The following RERG variants were observed in gnomAD, a reference collection of about 807,000 sequenced individuals.
RERG encodes the protein RAS like estrogen regulated growth inhibitor.
In RERG, 25 loss-of-function variants were observed where a neutral mutation model predicts 23.2. The ratio of observed to expected loss-of-function variants is 1.08; its 90% CI spans 0.79 to 1.50. The LOEUF is 1.50. Among genes scored for constraint, RERG ranks in the 40% most tolerant of loss-of-function variants. The pLI is 0.00. For synonymous variants in RERG, 81 were observed against 89.1 expected (o/e 0.91, Z 0.51); for missense variants, 253 against 250.1 (o/e 1.01, Z -0.08).
At chr12:15,217,388 C>CA in intron 2 of RERG, 41 bp downstream of exon 2, 2 of 1,339,544 alleles carry the variant, frequency 1.5e-6, no homozygotes, top group Non-Finnish European at 2.2e-6. Flanking sequence ...AACACACTCA[C>CA]CCACACACAC....
chr12:15,209,509 G>GT lies in RERG; in HGVS notation c.61+7919dup, dbSNP rs368106684. Among the ~76,000 whole-genome samples, 938 of 147,086 alleles carry GT rather than the reference G, an allele frequency of 6.4e-3. 10 individuals carry two copies. The highest frequency in any genetic ancestry group is 0.019 in the African/African-American group (779 of 40,570). On this transcript the variant is annotated intron_variant, in intron 2 of 4. Transcript: ENST00000256953. The stretch of plus-strand genomic sequence containing the variant: ...TTCTTTAGCAAAAGATGATTCATCA[G>GT]TTTTTTTTTTTAACACTTGATCCGA...
chr12:15,132,874 C>A (rs983308003), intron 2 of RERG, among the ~76,000 whole-genome samples: 5 of 151,588 alleles, frequency 3.3e-5, no homozygotes, highest in African/African-American at 1.2e-4. Context: ...AGATCTTTGG[C>A]CCATATTTTA....
At chr12:15,154,135 T>C (rs528836177) in intron 2 of RERG, 1 of 152,372 alleles carries the variant, frequency 6.6e-6, no homozygotes, top group Admixed American at 6.5e-5. Context: ...AGGCAGTAAA[T>C]TTCTGTTGTT....
intron 2 of RERG, among the ~76,000 whole-genome samples, chr12:15,198,462 T>C (rs966215421): frequency 6.6e-6 from 1 of 152,166 alleles, no homozygotes; most frequent in African/African-American, 2.4e-5. Context: ...TATGTGTGCA[T>C]AGGCTCAGAA....
At chr12:15,161,354 T>C (rs965928877) in intron 2 of RERG, among the ~76,000 whole-genome samples, 16 of 152,148 alleles carry the variant, frequency 1.1e-4, no homozygotes, top group African/African-American at 3.9e-4. Context: ...AACAAGTGTA[T>C]TCTTTGGAGA....
intron 2 of RERG, among the ~76,000 whole-genome samples, chr12:15,188,802 T>A (rs1865028741): frequency 6.6e-6 from 1 of 152,194 alleles, no homozygotes; most frequent in African/African-American, 2.4e-5. Context: ...GTAAATATGC[T>A]ACTTGGAGAA....
intron 2 of RERG, among the ~76,000 whole-genome samples, chr12:15,174,475 AGTGTGTGT>A (rs35380924): frequency 1.4e-5 from 2 of 147,898 alleles, no homozygotes; most frequent in African/African-American, 2.5e-5. Flanking sequence ...GAGTTTGTTG[AGTGTGTGT>A]GTGTGTGTGT....
intron 4 of RERG, 41 bp downstream of exon 4, chr12:15,111,303 A>G (rs752630722): frequency 2.5e-5 from 38 of 1,498,700 alleles, no homozygotes; most frequent in Non-Finnish European, 3.4e-5. Flanking sequence ...TCTCAGTTTT[A>G]TTTGATCCAG....
At chr12:15,134,244 G>A (rs1864104932) in intron 2 of RERG, among the ~76,000 whole-genome samples, 1 of 152,056 alleles carries the variant, frequency 6.6e-6, no homozygotes, top group Admixed American at 6.5e-5. Flanking sequence ...ATGTAGTTCT[G>A]TGTCTCATTT....
chr12:15,213,809 C>T (rs1865401510), intron 2 of RERG, among the ~76,000 whole-genome samples: 1 of 152,114 alleles, frequency 6.6e-6, no homozygotes, highest in Non-Finnish European at 1.5e-5. Flanking sequence ...GCTTAGGAAG[C>T]CATCTGCCAC....
intron 2 of RERG, among the ~76,000 whole-genome samples, chr12:15,157,939 A>T (rs1182054764): frequency 6.6e-6 from 1 of 152,100 alleles, no homozygotes; most frequent in Non-Finnish European, 1.5e-5. Flanking sequence ...ATAAATATTT[A>T]TGTATAAATA....
intron 2 of RERG, among the ~76,000 whole-genome samples, chr12:15,167,451 G>T (rs11056383): frequency 1.3e-5 from 2 of 152,042 alleles, no homozygotes; most frequent in Non-Finnish European, 2.9e-5. Flanking sequence ...CCCCGGCCCC[G>T]GGGTTTCTGA....
intron 1 of RERG, among the ~76,000 whole-genome samples, chr12:15,220,729 G>C (rs994719611): frequency 6.6e-6 from 1 of 152,088 alleles, no homozygotes; most frequent in Non-Finnish European, 1.5e-5. Flanking sequence ...CCTAGTCTAG[G>C]CCTGGAAATG....
At chr12:15,164,210 A>G (rs1864654425) in intron 2 of RERG, among the ~76,000 whole-genome samples, 1 of 152,200 alleles carries the variant, frequency 6.6e-6, no homozygotes, top group South Asian at 2.1e-4. Context: ...GGGCTCCATT[A>G]CCATTTGTGG....
chr12:15,193,070 A>T (rs567562821), intron 2 of RERG, among the ~76,000 whole-genome samples: 175 of 152,210 alleles, frequency 1.1e-3, no homozygotes, highest in African/African-American at 4.1e-3. Context: ...GGATTATGCA[A>T]ATATCCTGTT....
intron 2 of RERG, among the ~76,000 whole-genome samples, chr12:15,191,047 T>C (rs1591664358): frequency 6.6e-6 from 1 of 152,160 alleles, no homozygotes; most frequent in Admixed American, 6.5e-5. Flanking sequence ...CTTTTAATTA[T>C]GTAAGTGGCA....
chr12:15,123,653 T>C (rs1299331677), intron 2 of RERG, among the ~76,000 whole-genome samples: 2 of 150,164 alleles, frequency 1.3e-5, no homozygotes, highest in Non-Finnish European at 3.0e-5. Flanking sequence ...TTAAGTTTAT[T>C]ACATTATTAA....
intron 2 of RERG, among the ~76,000 whole-genome samples, chr12:15,151,203 A>G (rs1864436321): frequency 6.6e-6 from 1 of 152,192 alleles, no homozygotes; most frequent in African/African-American, 2.4e-5. Flanking sequence ...ACTTAATCTT[A>G]GAGTGGAAAA....
intron 2 of RERG, among the ~76,000 whole-genome samples, chr12:15,131,009 C>A (rs772319164): frequency 1.1e-4 from 16 of 151,962 alleles, no homozygotes; most frequent in Non-Finnish European, 2.1e-4. Context: ...GGAAAAATGG[C>A]AGAATCATTG....
Sources: allele counts gnomAD v4.1 joint callset (sites outside exome capture counted in the v4.1 genomes callset), GRCh38; gene constraint gnomAD v4.1.1; transcripts MANE v1.5; gene names NCBI Gene and HGNC (gene_info 2026-07-23, HGNC 2026-07-21).